The following SLC2A9 variants were observed in gnomAD, a reference collection of about 807,000 sequenced individuals.
The protein encoded by SLC2A9 is solute carrier family 2 member 9.
Under a neutral mutation model 50.6 loss-of-function variants are expected in SLC2A9, and 39 were observed. The observed-to-expected ratio is 0.77, with a 90% CI of 0.60 to 1.01. The LOEUF (loss-of-function observed/expected upper bound fraction) is 1.01. SLC2A9 is among the 50% of genes least tolerant of loss of function. The pLI, the probability that SLC2A9 is intolerant of heterozygous loss-of-function variation, is 0.00. For synonymous variants in SLC2A9, 324 were observed against 276.9 expected (o/e 1.17, Z -1.69); for missense variants, 686 against 677.6 (o/e 1.01, Z -0.14).
At chr4:9,816,184 T>TAAAC (rs1427513183) in intron 3 of SLC2A9, among the ~76,000 whole-genome samples, 1 of 151,628 alleles carries the variant, frequency 6.6e-6, no homozygotes, top group East Asian at 1.9e-4. Flanking sequence ...CATAAATAAA[T>TAAAC]AAATAAATAA....
intron 6 of SLC2A9, chr4:9,923,641 G>A (rs1190631380): frequency 6.6e-6 from 1 of 152,670 alleles, no homozygotes; most frequent in Non-Finnish European, 1.5e-5. Context: ...AGGGAGAGCT[G>A]GCCGTGCAGC....
intron 5 of SLC2A9, among the ~76,000 whole-genome samples, chr4:9,955,215 G>A (rs1173819890): frequency 6.9e-5 from 3 of 43,452 alleles, no homozygotes; most frequent in East Asian, 2.4e-4. Context: ...CAAGTCGGCC[G>A]GGCGCGGTGG....
At chr4:9,780,929 G>A (rs981899775) in intron 3 of SLC2A9, among the ~76,000 whole-genome samples, 1 of 152,144 alleles carries the variant, frequency 6.6e-6, no homozygotes, top group Non-Finnish European at 1.5e-5. Flanking sequence ...AACTCTATGG[G>A]GGTGGGGGGC....
At position 9,833,641 on chromosome 4, in the gene SLC2A9, G is replaced by A. The variant is rs539634700; in HGVS notation, c.1419+1240C>T. On this transcript the variant is annotated intron_variant, in intron 11 of 11. Transcript: ENST00000264784. ...TGGGGTGGCTGGGGCTTGGAGTGCC[G>A]CAAATACTGACCTTTGGCTCACCCA... Among the ~76,000 whole-genome samples the A allele has an allele frequency of 1.2e-4, 19 of 152,318 alleles. No homozygotes were observed. In the South Asian group the frequency reaches 3.9e-3, roughly 32 times the overall value.
intron 10 of SLC2A9, chr4:9,879,368 G>A: frequency 1.0e-6 from 1 of 980,036 alleles, no homozygotes; most frequent in South Asian, 4.7e-5. Context: ...GTGTGTGTGT[G>A]TATTTATGTG....
chr4:9,816,359 C>T (rs1027068239), intron 3 of SLC2A9, among the ~76,000 whole-genome samples: 10 of 151,782 alleles, frequency 6.6e-5, no homozygotes, highest in East Asian at 1.9e-4. Context: ...GAGAGGAGAA[C>T]GGTGGTTTTC....
intron 1 of SLC2A9, among the ~76,000 whole-genome samples, chr4:10,019,517 T>G (rs1403382187): frequency 6.6e-6 from 1 of 152,214 alleles, no homozygotes; most frequent in Non-Finnish European, 1.5e-5. Context: ...ATGTCCTGTA[T>G]TACAGGTGAG....
At chr4:9,928,660 G>A (rs1306523579) in intron 6 of SLC2A9, among the ~76,000 whole-genome samples, 1 of 152,224 alleles carries the variant, frequency 6.6e-6, no homozygotes, top group Non-Finnish European at 1.5e-5. Flanking sequence ...CTTGAACCCG[G>A]GAGGTGGAGG....
At chr4:9,893,608 C>G (rs1253104019) in intron 8 of SLC2A9, among the ~76,000 whole-genome samples, 1 of 151,890 alleles carries the variant, frequency 6.6e-6, no homozygotes, top group Non-Finnish European at 1.5e-5. Context: ...GAGGGAGACA[C>G]AGAGAAACCT....
intron 10 of SLC2A9, 86 bp from the exon 11 acceptor site, chr4:9,835,094 A>AC (rs1180693638): frequency 7.6e-6 from 12 of 1,586,768 alleles, no homozygotes; most frequent in Non-Finnish European, 4.3e-6. Context: ...ACACTTTAGA[A>AC]CCCCCCCACC....
At chr4:9,782,060 T>C (rs748181038) in intron 3 of SLC2A9, 2 of 1,488,408 alleles carry the variant, frequency 1.3e-6, no homozygotes, top group South Asian at 2.8e-5. Flanking sequence ...CGGCACCGCG[T>C]ACCCGGGGCA....
At chr4:9,959,734 G>A (rs1351924828) in intron 5 of SLC2A9, among the ~76,000 whole-genome samples, 3 of 152,040 alleles carry the variant, frequency 2.0e-5, no homozygotes, top group Non-Finnish European at 4.4e-5. Flanking sequence ...TTTCCTTTGG[G>A]GTTCCCTTTG....
intron 10 of SLC2A9, among the ~76,000 whole-genome samples, chr4:9,842,770 T>G (rs1405929449): frequency 6.6e-6 from 1 of 152,216 alleles, no homozygotes; most frequent in African/African-American, 2.4e-5. Flanking sequence ...CAAATAATTA[T>G]GTATGTGGGT....
intron 2 of SLC2A9, among the ~76,000 whole-genome samples, chr4:9,999,859 T>C (rs1257912950): frequency 6.6e-6 from 1 of 152,124 alleles, no homozygotes; most frequent in Non-Finnish European, 1.5e-5. Flanking sequence ...CCAAAGATCA[T>C]GGTGGACTTC....
upstream of SLC2A9, among the ~76,000 whole-genome samples, chr4:10,023,808 A>T (rs1016306590): frequency 6.6e-6 from 1 of 152,172 alleles, no homozygotes; most frequent in Non-Finnish European, 1.5e-5. Flanking sequence ...TTTCGGGGCA[A>T]CTGAAGTTCA....
intron 3 of SLC2A9, among the ~76,000 whole-genome samples, chr4:9,994,915 G>A (rs1758369472): frequency 6.6e-6 from 1 of 152,168 alleles, no homozygotes; most frequent in Non-Finnish European, 1.5e-5. Context: ...GGCAGGGTCT[G>A]GCTTGGGCAG....
intron 3 of SLC2A9, among the ~76,000 whole-genome samples, chr4:9,987,669 T>C (rs1756962857): frequency 6.6e-6 from 1 of 152,080 alleles, no homozygotes; most frequent in South Asian, 2.1e-4. Flanking sequence ...TGGCAGATGC[T>C]ATTATACTCA....
intron 8 of SLC2A9, among the ~76,000 whole-genome samples, chr4:9,896,670 A>C (rs755854271): frequency 2.6e-5 from 4 of 152,216 alleles, no homozygotes; most frequent in Non-Finnish European, 4.4e-5. Context: ...TAATGTTGCA[A>C]AACTTTCTCC....
intron 10 of SLC2A9, among the ~76,000 whole-genome samples, chr4:9,882,434 T>C (rs1735382717): frequency 6.6e-6 from 1 of 152,166 alleles, no homozygotes; most frequent in Admixed American, 6.5e-5. Flanking sequence ...GAAAAATTAC[T>C]GGATCATTCT....
Sources: gnomAD v4.1 joint callset for allele counts (sites outside exome capture counted in the v4.1 genomes callset) on GRCh38, gnomAD v4.1.1 for gene constraint, MANE v1.5 for transcripts, NCBI Gene and HGNC (gene_info 2026-07-23, HGNC 2026-07-21) for gene names.